The following VAV2 variants were observed in gnomAD, a reference collection of about 807,000 sequenced individuals.
VAV2 encodes the protein guanine nucleotide exchange factor VAV2.
In VAV2, 67 loss-of-function variants were observed where a neutral mutation model predicts 132.5. The observed-to-expected ratio is 0.51, with a 90% CI of 0.42 to 0.62. The LOEUF is 0.62. Among genes scored for constraint, VAV2 ranks in the 20% least tolerant of loss-of-function variants. The pLI, the probability that VAV2 is intolerant of heterozygous loss-of-function variation, is 0.00. For missense variants in VAV2, 938 were observed against 1,153.6 expected, an observed-to-expected ratio of 0.81 and a Z score of 2.71; for synonymous variants, 492 against 443.5, an observed-to-expected ratio of 1.11 and a Z score of -1.37.
In VAV2 at chr9:133,883,321, C is replaced by T. The variant is rs563607678; in HGVS notation, c.322-21889G>A. Among the ~76,000 whole-genome samples, 1 of 152,356 alleles carries T rather than the reference C, an allele frequency of 6.6e-6. No individual in the cohort carries two copies. The highest frequency in any genetic ancestry group is 6.5e-5 in the Admixed American group (1 of 15,306). On this transcript the variant is annotated intron_variant, in intron 2 of 29. Transcript: ENST00000371850. This position sits in a 1 kb window ranked among gnomAD's most constrained non-coding sequence, Gnocchi z 4.2. ...CCACAGAGGAGCGAAGGCGCAGAGACCCATCCGTTGAGACAGCCTCCCTGC... is the reference window on the plus strand; with the variant it reads ...CCACAGAGGAGCGAAGGCGCAGAGATCCATCCGTTGAGACAGCCTCCCTGC...
intron 2 of VAV2, among the ~76,000 whole-genome samples, chr9:133,877,912 G>A (rs1457960902): frequency 2.6e-5 from 4 of 152,204 alleles, no homozygotes; most frequent in African/African-American, 4.8e-5. Context: ...GTTAACACAG[G>A]ACAGGAAGGT....
chr9:133,762,320 T>TA lies in VAV2; in HGVS notation c.*1741dup, dbSNP rs1289373430. On this transcript the variant is annotated 3_prime_UTR_variant, in exon 30 of 30. Transcript: ENST00000371850. The surrounding 1 kb of genome is among the most constrained non-coding windows in gnomAD (Gnocchi z 5.0). ...AATATACATCATTTTCTTGCTATTA[T>TA]AAAATCTCTTATTATTCACAGATAT... The TA allele has an allele frequency of 7.2e-5, 11 of 152,778 alleles. No homozygotes were observed. Among genetic ancestry groups the TA allele is most frequent in the African/African-American group, 2.6e-4 (11 of 41,582 alleles). 9.5% of individuals were successfully genotyped at this position (152,778 alleles called of 1,614,324 possible).
chr9:133,806,416 G>GC (rs1321914993), intron 8 of VAV2, among the ~76,000 whole-genome samples: 3 of 152,174 alleles, frequency 2.0e-5, no homozygotes, highest in African/African-American at 7.2e-5. Context: ...CCCACAGCCC[G>GC]CACCAGCCCA....
intron 4 of VAV2, among the ~76,000 whole-genome samples, chr9:133,815,991 C>T (rs1223079990): frequency 6.6e-6 from 1 of 152,226 alleles, no homozygotes; most frequent in Non-Finnish European, 1.5e-5. Context: ...GCCACATCCT[C>T]ATCAGCTTCT....
chr9:133,961,256 C>G lies in VAV2; in HGVS notation c.205-22037G>C, dbSNP rs1841956882. 6.6e-6 allele frequency among the ~76,000 whole-genome samples: 1 copy of G among 152,244 alleles called. No individual in the cohort carries two copies. The highest frequency in any genetic ancestry group is 1.5e-5 in the Non-Finnish European group (1 of 68,042). On this transcript the variant is annotated intron_variant, in intron 1 of 29. Coordinates refer to ENST00000371850, the MANE Select transcript of VAV2 (RefSeq NM_001134398.2). The surrounding 1 kb of genome is among the most constrained non-coding windows in gnomAD (Gnocchi z 4.1). The stretch of plus-strand genomic sequence containing the variant: ...GGAGTGTCCATTAAGAGTAGGGTTC[C>G]TCACTCTCAGAGCAGACCTCCCAGG...
intron 2 of VAV2, among the ~76,000 whole-genome samples, chr9:133,931,351 C>A (rs1191537756): frequency 6.6e-6 from 1 of 152,088 alleles, no homozygotes; most frequent in East Asian, 1.9e-4. Flanking sequence ...GGGGCAGGGA[C>A]CAGGGAGGAC....
At chr9:133,779,188 G>A (rs776131980) in intron 21 of VAV2, among the ~76,000 whole-genome samples, 7 of 152,256 alleles carry the variant, frequency 4.6e-5, no homozygotes, top group African/African-American at 9.6e-5. Flanking sequence ...GCAGCTGTGC[G>A]GGGCAGAAGA....
chr9:133,944,379 G>A (rs1332454277), intron 1 of VAV2, among the ~76,000 whole-genome samples: 2 of 152,248 alleles, frequency 1.3e-5, no homozygotes, highest in Non-Finnish European at 2.9e-5. Flanking sequence ...TAAGCCGGGG[G>A]AGGCAAATCC....
intron 2 of VAV2, among the ~76,000 whole-genome samples, chr9:133,865,363 C>T (rs1837758817): frequency 6.6e-6 from 1 of 152,194 alleles, no homozygotes; most frequent in South Asian, 2.1e-4. Flanking sequence ...TGCACTTTCC[C>T]TCTGCATCTT....
chr9:133,939,311 C>T (rs567524068), intron 1 of VAV2, 92 bp from the exon 2 acceptor site: 4 of 1,130,864 alleles, frequency 3.5e-6, no homozygotes, highest in African/African-American at 1.5e-5. Context: ...CAAGCTCTGG[C>T]TTCCGTGCGC....
intron 22 of VAV2, among the ~76,000 whole-genome samples, chr9:133,778,500 G>T (rs1833894251): frequency 6.6e-6 from 1 of 152,206 alleles, no homozygotes; most frequent in Admixed American, 6.5e-5. Flanking sequence ...GCCTCTCCTG[G>T]GAAGGGACGC....
chr9:133,952,965 G>GC (rs1278182164), intron 1 of VAV2, among the ~76,000 whole-genome samples: 1 of 147,916 alleles, frequency 6.8e-6, no homozygotes, highest in East Asian at 2.0e-4. Flanking sequence ...AGGGAGCATG[G>GC]CCCCCGGGAC....
chr9:133,842,491 G>GT (rs1426670940), intron 3 of VAV2, among the ~76,000 whole-genome samples: 3 of 152,224 alleles, frequency 2.0e-5, no homozygotes, highest in Admixed American at 2.0e-4. Context: ...TACTGTCCGG[G>GT]TTTGCCCAGG....
At chr9:133,805,194 G>T (rs1835084917) in intron 9 of VAV2, among the ~76,000 whole-genome samples, 1 of 152,134 alleles carries the variant, frequency 6.6e-6, no homozygotes, top group Non-Finnish European at 1.5e-5. Context: ...CCAATGCCTA[G>T]GCTCAGGGCC....
chr9:133,893,325 A>AGAAG (rs897641998), intron 2 of VAV2, among the ~76,000 whole-genome samples: 4 of 152,130 alleles, frequency 2.6e-5, no homozygotes, highest in African/African-American at 9.7e-5. Flanking sequence ...GAGGGAGGAA[A>AGAAG]GAAGGAAGGA....
chr9:133,974,027 C>T (rs1052679793), intron 1 of VAV2, among the ~76,000 whole-genome samples: 2 of 152,136 alleles, frequency 1.3e-5, no homozygotes, highest in African/African-American at 2.4e-5. Context: ...TGTTCCAGAA[C>T]GCTCCCTTCA....
intron 1 of VAV2, among the ~76,000 whole-genome samples, chr9:133,959,882 G>A (rs938305260): frequency 2.0e-5 from 3 of 152,162 alleles, no homozygotes; most frequent in Admixed American, 6.5e-5. Flanking sequence ...TAGTGCCTCT[G>A]GAGGGAGGGG....
chr9:133,792,009 A>C, intron 12 of VAV2, 140 bp from the exon 13 acceptor site: 4 of 148,936 alleles, frequency 2.7e-5, no homozygotes, highest in East Asian at 9.0e-5. Context: ...CTGTGTGTGA[A>C]TGAGCTGTGC....
At chr9:133,793,404 C>T (rs1334323580) in intron 12 of VAV2, among the ~76,000 whole-genome samples, 1 of 147,964 alleles carries the variant, frequency 6.8e-6, no homozygotes, top group Non-Finnish European at 1.5e-5. Flanking sequence ...TCACCATTGG[C>T]TCCCCACCCA....
Sources: allele counts gnomAD v4.1 joint callset (sites outside exome capture counted in the v4.1 genomes callset), GRCh38; gene constraint gnomAD v4.1.1; non-coding constraint Gnocchi (gnomAD v3.1); transcripts MANE v1.5; gene names NCBI Gene and HGNC (gene_info 2026-07-23, HGNC 2026-07-21).